The following SGCZ variants were observed in gnomAD, a reference collection of about 807,000 sequenced individuals.
The protein encoded by SGCZ is zeta-sarcoglycan.
In SGCZ, 40 loss-of-function variants were observed where a neutral mutation model predicts 41.3. The observed-to-expected ratio is 0.97, with a 90% CI of 0.75 to 1.26. SGCZ has a LOEUF of 1.26. Among genes scored for constraint, SGCZ ranks in the 50% most tolerant of loss-of-function variants. The pLI is 0.00. For synonymous variants in SGCZ, 206 were observed against 137.5 expected (o/e 1.50, Z -3.49); for missense variants, 552 against 369.8 (o/e 1.49, Z -4.04).
intron 2 of SGCZ, among the ~76,000 whole-genome samples, chr8:14,503,249 G>C (rs1585603054): frequency 6.6e-6 from 1 of 151,996 alleles, no homozygotes; most frequent in Non-Finnish European, 1.5e-5. Flanking sequence ...TGAACAATGA[G>C]AACATATGGG....
chr8:14,962,270 T>G (rs1262603840), intron 1 of SGCZ, among the ~76,000 whole-genome samples: 3 of 152,210 alleles, frequency 2.0e-5, no homozygotes, highest in Non-Finnish European at 2.9e-5. Context: ...ATATTTTTAT[T>G]CCTTAATATA....
chr8:14,737,534 C>A (rs890158984), intron 1 of SGCZ, among the ~76,000 whole-genome samples: 1 of 152,086 alleles, frequency 6.6e-6, no homozygotes, highest in South Asian at 2.1e-4. Flanking sequence ...AACAAAATGG[C>A]ACTGAGTGTG....
At chr8:14,107,477 T>C (rs1015855942) in intron 6 of SGCZ, among the ~76,000 whole-genome samples, 11 of 152,164 alleles carry the variant, frequency 7.2e-5, no homozygotes, top group Admixed American at 5.9e-4. Context: ...AGTTAAGTTC[T>C]GCCTTTGTCT....
rs1415183670 is a variant in SGCZ, at chr8:14,655,514, T to C, written c.40-100588A>G. Among the ~76,000 whole-genome samples the C allele has an allele frequency of 1.3e-5, 2 of 152,148 alleles. 1 individual carries two copies. The highest frequency in any genetic ancestry group is 4.1e-4 in the South Asian group (2 of 4,838). On this transcript the variant is annotated intron_variant, in intron 1 of 7. Coordinates refer to ENST00000382080, the MANE Select transcript of SGCZ (RefSeq NM_139167.4). Reference sequence around the variant, plus strand: ...ATGTTATGAAAAATTCAACTTTGGTTAGAAAGTTAATTTTGAGTGTGTAGA... The same window carrying C: ...ATGTTATGAAAAATTCAACTTTGGTCAGAAAGTTAATTTTGAGTGTGTAGA...
intron 5 of SGCZ, among the ~76,000 whole-genome samples, chr8:14,113,620 C>T (rs1285002125): frequency 6.6e-6 from 1 of 152,052 alleles, no homozygotes; most frequent in African/African-American, 2.4e-5. Flanking sequence ...GGGAAGTATA[C>T]TGAGATGTCC....
chr8:14,886,583 TG>T (rs1334564070), intron 1 of SGCZ, among the ~76,000 whole-genome samples: 2 of 151,990 alleles, frequency 1.3e-5, no homozygotes, highest in African/African-American at 4.8e-5. Context: ...GGGCAAGTCC[TG>T]GGGAAAAGTG....
intron 2 of SGCZ, among the ~76,000 whole-genome samples, chr8:14,480,594 A>C (rs1801508715): frequency 2.0e-5 from 1 of 50,780 alleles, no homozygotes; most frequent in Non-Finnish European, 4.6e-5. Context: ...AATCATTCTC[A>C]TCATGCTGAC....
chr8:14,537,182 C>T (rs189643233), intron 2 of SGCZ, among the ~76,000 whole-genome samples: 1 of 151,994 alleles, frequency 6.6e-6, no homozygotes, highest in Non-Finnish European at 1.5e-5. Context: ...TGCAGGACTT[C>T]AGAAGTCTAA....
chr8:14,214,353 A>G (rs1336394886), intron 4 of SGCZ, among the ~76,000 whole-genome samples: 1 of 152,170 alleles, frequency 6.6e-6, no homozygotes, highest in Non-Finnish European at 1.5e-5. Flanking sequence ...GTAGTGTGAT[A>G]TCTTCCATGG....
chr8:14,245,600 C>A (rs528434476), intron 3 of SGCZ, among the ~76,000 whole-genome samples: 154 of 152,158 alleles, frequency 1.0e-3, no homozygotes, highest in African/African-American at 3.6e-3. Flanking sequence ...CAAATGGGAT[C>A]TAATTAAACT....
At chr8:14,938,072 A>C (rs898664026) in intron 1 of SGCZ, among the ~76,000 whole-genome samples, 43 of 152,160 alleles carry the variant, frequency 2.8e-4, no homozygotes, top group African/African-American at 1.0e-3. Context: ...ATATACACTA[A>C]CACATATATA....
rs953086221 is a variant in SGCZ at position 14,931,760 on chromosome 8, T to G, written c.39+305825A>C. Among the ~76,000 whole-genome samples the G allele has an allele frequency of 7.2e-5, 11 of 152,078 alleles. No homozygotes were observed. In the East Asian group the frequency reaches 1.9e-3, roughly 27 times the overall value. On this transcript the variant is annotated intron_variant, in intron 1 of 7. Coordinates refer to ENST00000382080, the MANE Select transcript of SGCZ (RefSeq NM_139167.4). ...CTTTAGAAGTCATTAAAAAGAGCTT[T>G]GTCCAAGGGTTGAACATTTAATGGA...
chr8:14,743,414 G>A (rs1437207339), intron 1 of SGCZ, among the ~76,000 whole-genome samples: 1 of 151,866 alleles, frequency 6.6e-6, no homozygotes, highest in African/African-American at 2.4e-5. Context: ...ATGGAATACT[G>A]TTTTATATGA....
At chr8:15,004,288 A>C (rs1802524032) in intron 1 of SGCZ, among the ~76,000 whole-genome samples, 1 of 152,178 alleles carries the variant, frequency 6.6e-6, no homozygotes, top group South Asian at 2.1e-4. Flanking sequence ...TGAGCAAGGC[A>C]GTCATTAGGT....
intron 1 of SGCZ, among the ~76,000 whole-genome samples, chr8:15,083,925 T>A (rs1240161947): frequency 1.3e-5 from 2 of 152,168 alleles, no homozygotes; most frequent in African/African-American, 4.8e-5. Context: ...TTCCCCATGT[T>A]TCATGGTCCT....
intron 2 of SGCZ, among the ~76,000 whole-genome samples, chr8:14,353,066 G>A (rs1214634639): frequency 1.3e-5 from 2 of 151,282 alleles, no homozygotes; most frequent in Non-Finnish European, 3.0e-5. Flanking sequence ...GAATTATGTT[G>A]CACGTTGCAT....
At chr8:14,515,862 T>A (rs1802604773) in intron 2 of SGCZ, among the ~76,000 whole-genome samples, 1 of 152,116 alleles carries the variant, frequency 6.6e-6, no homozygotes, top group African/African-American at 2.4e-5. Context: ...CTTAGTTTTA[T>A]TTTAAAGATG....
At chr8:14,929,981 A>G (rs1411146665) in intron 1 of SGCZ, among the ~76,000 whole-genome samples, 30 of 152,082 alleles carry the variant, frequency 2.0e-4, no homozygotes, top group Admixed American at 2.0e-3. Flanking sequence ...ACAATTTCTC[A>G]TAATCAAGAT....
chr8:14,337,662 G>A (rs957359985), intron 2 of SGCZ, among the ~76,000 whole-genome samples: 6 of 152,088 alleles, frequency 3.9e-5, no homozygotes, highest in South Asian at 2.1e-4. Context: ...GGGTAGGGTC[G>A]GAAAACCTAC....
Sources: allele counts gnomAD v4.1 joint callset (sites outside exome capture counted in the v4.1 genomes callset), GRCh38; gene constraint gnomAD v4.1.1; transcripts MANE v1.5; gene names NCBI Gene and HGNC (gene_info 2026-07-23, HGNC 2026-07-21).